Variants in NOS1AP observed in about 807,000 individuals in gnomAD.
NOS1AP encodes carboxyl-terminal PDZ ligand of neuronal nitric oxide synthase protein.
In NOS1AP, 21 loss-of-function variants were observed where a neutral mutation model predicts 56.2. The ratio of observed to expected loss-of-function variants is 0.37; its 90% CI spans 0.26 to 0.54. The LOEUF (loss-of-function observed/expected upper bound fraction) is 0.54, where lower values mean the gene tolerates loss of function less well. Ranked by LOEUF, NOS1AP falls within the 20% of genes least tolerant of loss-of-function variation. The probability of loss-of-function intolerance (pLI) is 0.84; values close to 1 mark genes in which losing one functional copy is unlikely to be tolerated. For synonymous variants in NOS1AP, 270 were observed against 274.6 expected (o/e 0.98, Z 0.17); for missense variants, 522 against 657.8 (o/e 0.79, Z 2.26).
At chr1:162,121,233 C>T (rs1469655111) in intron 1 of NOS1AP, among the ~76,000 whole-genome samples, 10 of 150,930 alleles carry the variant, frequency 6.6e-5, no homozygotes, top group Admixed American at 2.6e-4. Flanking sequence ...TGTAGTGGCA[C>T]GATCTTGGTT....
intron 5 of NOS1AP, among the ~76,000 whole-genome samples, chr1:162,339,592 AC>A (rs1026511214): frequency 1.3e-5 from 2 of 152,166 alleles, no homozygotes; most frequent in Non-Finnish European, 2.9e-5. Flanking sequence ...GATCTAGAAG[AC>A]CCACAGACAA....
chr1:162,289,160 A>T (rs532327688), intron 3 of NOS1AP, among the ~76,000 whole-genome samples: 28 of 151,688 alleles, frequency 1.8e-4, no homozygotes, highest in African/African-American at 6.8e-4. Flanking sequence ...CTACACATCC[A>T]CTTCTGACTG....
intron 1 of NOS1AP, among the ~76,000 whole-genome samples, chr1:162,143,592 C>T (rs1160320811): frequency 6.6e-6 from 1 of 152,116 alleles, no homozygotes; most frequent in East Asian, 1.9e-4. Flanking sequence ...TTAGCTGGCA[C>T]TACAAGCGTG....
chr1:162,255,994 A>C (rs1176396678), intron 2 of NOS1AP, among the ~76,000 whole-genome samples: 1 of 152,100 alleles, frequency 6.6e-6, no homozygotes, highest in East Asian at 1.9e-4. Flanking sequence ...AAATAGAAAA[A>C]TTAGCCAGGT....
chr1:162,137,923 G>A (rs952852265), intron 1 of NOS1AP, among the ~76,000 whole-genome samples: 2 of 152,130 alleles, frequency 1.3e-5, no homozygotes, highest in African/African-American at 4.8e-5. Flanking sequence ...GAGTGTGTAT[G>A]TAAGCATATA....
At chr1:162,300,579 C>A in intron 3 of NOS1AP, 54 bp from the exon 4 acceptor site, 2 of 1,460,990 alleles carry the variant, frequency 1.4e-6, no homozygotes, top group Non-Finnish European at 1.9e-6. Flanking sequence ...ATGCATAGCT[C>A]AGTGTGTGCC....
chr1:162,353,971 T>C (rs1657607005), intron 6 of NOS1AP, among the ~76,000 whole-genome samples: 1 of 152,236 alleles, frequency 6.6e-6, no homozygotes, highest in African/African-American at 2.4e-5. Context: ...CCATCTTTTC[T>C]GTTAAACGCC....
intron 2 of NOS1AP, among the ~76,000 whole-genome samples, chr1:162,253,512 G>A (rs1441680566): frequency 6.6e-6 from 1 of 152,022 alleles, no homozygotes; most frequent in Non-Finnish European, 1.5e-5. Flanking sequence ...AGAAAAATGA[G>A]GAAAAAAGCT....
chr1:162,099,598 A>G (rs547613388), intron 1 of NOS1AP, among the ~76,000 whole-genome samples: 3 of 151,040 alleles, frequency 2.0e-5, no homozygotes, highest in South Asian at 4.2e-4. Flanking sequence ...TTTTATTTTC[A>G]TATGATTATT....
chr1:162,367,620 T>C lies in NOS1AP; in HGVS notation c.*153T>C, dbSNP rs1411493446. The C allele has an allele frequency of 1.2e-6, 1 of 863,958 alleles. No individual in the cohort carries two copies. The highest frequency in any genetic ancestry group is 1.7e-5 in the African/African-American group (1 of 58,826). 53.5% of individuals were successfully genotyped at this position (863,958 alleles called of 1,614,324 possible). ...TGAGGTTTCAGGAAAGTATTGAGATTCTGCTTTGGAGGGTAAAGTGGGGAA... is the reference window on the plus strand; with the variant it reads ...TGAGGTTTCAGGAAAGTATTGAGATCCTGCTTTGGAGGGTAAAGTGGGGAA... On this transcript the variant is annotated 3_prime_UTR_variant, in exon 10 of 10. Transcript: ENST00000361897. This position sits in a 1 kb window ranked among gnomAD's most constrained non-coding sequence, Gnocchi z 6.5.
chr1:162,326,610 G>C (rs991810288), intron 4 of NOS1AP, among the ~76,000 whole-genome samples: 1 of 152,208 alleles, frequency 6.6e-6, no homozygotes, highest in Non-Finnish European at 1.5e-5. Flanking sequence ...ACCCAGGAAT[G>C]CTAATATATG....
At chr1:162,334,168 A>G (rs1656865015) in intron 5 of NOS1AP, among the ~76,000 whole-genome samples, 1 of 152,140 alleles carries the variant, frequency 6.6e-6, no homozygotes, top group African/African-American at 2.4e-5. Context: ...CCTATTCCCT[A>G]CCCTAGCTCC....
rs1264491476 is a variant in NOS1AP at position 162,261,323 on chromosome 1, G to C, written c.178-26021G>C. Among the ~76,000 whole-genome samples the C allele has an allele frequency of 3.7e-5, 5 of 136,882 alleles. 1 individual carries two copies. The highest frequency in any genetic ancestry group is 1.4e-4 in the African/African-American group (5 of 35,188). 89.8% of individuals were successfully genotyped at this position (136,882 alleles called of 152,430 possible). On this transcript the variant is annotated intron_variant, in intron 2 of 9. Coordinates refer to ENST00000361897, the MANE Select transcript of NOS1AP (RefSeq NM_014697.3). ...TCCCCTTGTTCTTAAACAATATCCT[G>C]ATGTTACCTTCTATGGCAGCAGGGA...
intron 2 of NOS1AP, among the ~76,000 whole-genome samples, chr1:162,186,495 C>T (rs765276678): frequency 6.6e-6 from 1 of 152,160 alleles, no homozygotes; most frequent in African/African-American, 2.4e-5. Flanking sequence ...TACACATCTT[C>T]TTCGGGTGGA....
At chr1:162,083,896 C>T (rs75263193) in intron 1 of NOS1AP, among the ~76,000 whole-genome samples, 3,061 of 152,210 alleles carry the variant, frequency 0.02, 108 homozygotes, top group African/African-American at 0.069. Context: ...TTGAGACCCA[C>T]GGCATTAGAG....
chr1:162,295,516 T>A (rs1330060719), intron 3 of NOS1AP, among the ~76,000 whole-genome samples: 1 of 142,174 alleles, frequency 7.0e-6, no homozygotes, highest in Non-Finnish European at 1.6e-5. Context: ...TCATTTCAAA[T>A]TTTTTTTTTC....
chr1:162,249,909 G>A (rs192667001), intron 2 of NOS1AP, among the ~76,000 whole-genome samples: 57 of 152,338 alleles, frequency 3.7e-4, no homozygotes, highest in East Asian at 2.1e-3. Flanking sequence ...ATGAGTAGCA[G>A]TGAATGGGCC....
intron 4 of NOS1AP, among the ~76,000 whole-genome samples, chr1:162,315,605 G>C (rs1309650057): frequency 2.0e-5 from 3 of 152,214 alleles, no homozygotes; most frequent in African/African-American, 7.2e-5. Flanking sequence ...AGTGGAAAAA[G>C]CTGGGTTATC....
chr1:162,152,652 G>A (rs533885816), intron 1 of NOS1AP, among the ~76,000 whole-genome samples: 1 of 152,370 alleles, frequency 6.6e-6, no homozygotes, highest in Non-Finnish European at 1.5e-5. Context: ...CCGTGGTGGG[G>A]CTGTCCCCTT....
Sources: gnomAD v4.1 joint callset for allele counts (sites outside exome capture counted in the v4.1 genomes callset) on GRCh38, gnomAD v4.1.1 for gene constraint, Gnocchi (gnomAD v3.1) non-coding constraint, MANE v1.5 for transcripts, NCBI Gene and HGNC (gene_info 2026-07-23, HGNC 2026-07-21) for gene names.